Variants in NRG3 observed in about 807,000 individuals in gnomAD.
NRG3 encodes pro-neuregulin-3, membrane-bound isoform.
In NRG3, 31 loss-of-function variants were observed where a neutral mutation model predicts 66.9. The observed-to-expected ratio is 0.46, with a 90% CI of 0.35 to 0.63. NRG3 has a LOEUF of 0.63. NRG3 is among the 20% of genes least tolerant of loss of function. NRG3 has a pLI of 0.00. For synonymous variants in NRG3, 393 were observed against 359.4 expected, an observed-to-expected ratio of 1.09 and a Z score of -1.06; for missense variants, 910 against 878.9, an observed-to-expected ratio of 1.04 and a Z score of -0.45.
chr10:82,009,046 G>A (rs368011825), intron 1 of NRG3, among the ~76,000 whole-genome samples: 72 of 152,096 alleles, frequency 4.7e-4, no homozygotes, highest in African/African-American at 1.7e-3. Context: ...CTACAGTTTC[G>A]TTAAGATGTA....
intron 2 of NRG3, among the ~76,000 whole-genome samples, chr10:82,607,252 A>G (rs1223738786): frequency 6.6e-6 from 1 of 152,160 alleles, no homozygotes; most frequent in East Asian, 1.9e-4. Context: ...TTTGCCTTAT[A>G]TATTTTGACA....
intron 3 of NRG3, among the ~76,000 whole-genome samples, chr10:82,855,398 CTGTG>C (rs2063755117): frequency 6.6e-6 from 1 of 151,866 alleles, no homozygotes; most frequent in South Asian, 2.1e-4. Context: ...GTAAACTCGT[CTGTG>C]TGTCTTTTTT....
intron 1 of NRG3, among the ~76,000 whole-genome samples, chr10:82,018,351 T>C (rs1052560696): frequency 5.3e-5 from 8 of 152,174 alleles, no homozygotes; most frequent in African/African-American, 1.9e-4. Context: ...TGTAGTATAG[T>C]TTGAAGTCAG....
chr10:82,182,075 AT>A (rs200080280), intron 1 of NRG3, among the ~76,000 whole-genome samples: 45 of 146,944 alleles, frequency 3.1e-4, no homozygotes, highest in African/African-American at 1.1e-3. Context: ...ATCCTGCTCT[AT>A]TTTTTTTTCT....
intron 2 of NRG3, among the ~76,000 whole-genome samples, chr10:82,592,293 G>T (rs2047025973): frequency 6.6e-6 from 1 of 152,086 alleles, no homozygotes; most frequent in Non-Finnish European, 1.5e-5. Context: ...TGATTTTTAA[G>T]GTCTTCCTGA....
chr10:82,282,698 A>G (rs1174146682), intron 1 of NRG3, among the ~76,000 whole-genome samples: 5 of 151,606 alleles, frequency 3.3e-5, no homozygotes, highest in South Asian at 4.1e-4. Flanking sequence ...AAAGGTATGT[A>G]TGCATCCTCA....
chr10:82,261,033 T>C (rs2077999237), intron 1 of NRG3, among the ~76,000 whole-genome samples: 1 of 152,138 alleles, frequency 6.6e-6, no homozygotes, highest in African/African-American at 2.4e-5. Context: ...GTGAGTTCTC[T>C]CTCTTGCAGT....
chr10:82,109,101 G>C (rs1286952286), intron 1 of NRG3, among the ~76,000 whole-genome samples: 1 of 152,128 alleles, frequency 6.6e-6, no homozygotes, highest in African/African-American at 2.4e-5. Flanking sequence ...CACATTTCTT[G>C]AATAAAAGAA....
chr10:82,605,072 C>G (rs904260561), intron 2 of NRG3, among the ~76,000 whole-genome samples: 3 of 151,944 alleles, frequency 2.0e-5, no homozygotes, highest in Admixed American at 1.3e-4. Flanking sequence ...AGGACCAGTA[C>G]ATTGTGGAGT....
At chr10:81,916,883 A>G (rs1845763105) in intron 1 of NRG3, among the ~76,000 whole-genome samples, 1 of 152,196 alleles carries the variant, frequency 6.6e-6, no homozygotes, top group Admixed American at 6.5e-5. Context: ...TTTACAAAAA[A>G]TGTCATGAAA....
chr10:82,935,770 C>T (rs565790857), intron 4 of NRG3, among the ~76,000 whole-genome samples: 13 of 151,948 alleles, frequency 8.6e-5, no homozygotes, highest in South Asian at 2.1e-4. Flanking sequence ...ACTACAGGTG[C>T]GTGCCACCAC....
At chr10:82,391,869 A>G (rs2086388295) in intron 2 of NRG3, among the ~76,000 whole-genome samples, 1 of 151,980 alleles carries the variant, frequency 6.6e-6, no homozygotes, top group South Asian at 2.1e-4. Context: ...CAGCCATACA[A>G]TCTTCAGATT....
chr10:82,291,201 T>C (rs2079724595), intron 1 of NRG3, among the ~76,000 whole-genome samples: 2 of 151,828 alleles, frequency 1.3e-5, no homozygotes, highest in Non-Finnish European at 2.9e-5. Flanking sequence ...TTTTATATAC[T>C]GAAAATGAAC....
chr10:82,479,949 C>T (rs151036858), intron 2 of NRG3, among the ~76,000 whole-genome samples: 95 of 152,316 alleles, frequency 6.2e-4, no homozygotes, highest in African/African-American at 2.2e-3. Flanking sequence ...GCCTGGGCTA[C>T]AGAGCGAGAC....
intron 1 of NRG3, among the ~76,000 whole-genome samples, chr10:82,127,885 A>G (rs1223142121): frequency 6.6e-6 from 1 of 152,012 alleles, no homozygotes; most frequent in African/African-American, 2.4e-5. Context: ...TCCATAGGAA[A>G]GAAAAAGAAG....
At chr10:82,664,015 A>G (rs1463766919) in intron 2 of NRG3, among the ~76,000 whole-genome samples, 1 of 151,962 alleles carries the variant, frequency 6.6e-6, no homozygotes, top group Non-Finnish European at 1.5e-5. Context: ...TGGTATGTCT[A>G]CTCTTTGGGG....
At chr10:82,528,843 A>G (rs752412309) in intron 2 of NRG3, among the ~76,000 whole-genome samples, 1 of 152,094 alleles carries the variant, frequency 6.6e-6, no homozygotes, top group Non-Finnish European at 1.5e-5. Flanking sequence ...ATCATCATGT[A>G]TATTTGACTA....
intron 1 of NRG3, among the ~76,000 whole-genome samples, chr10:82,347,337 T>C (rs2083095883): frequency 6.6e-6 from 1 of 152,000 alleles, no homozygotes; most frequent in Non-Finnish European, 1.5e-5. Flanking sequence ...CAGTAGTCAT[T>C]CAGGAGCAGG....
At chr10:82,878,071 G>T (rs892543402) in intron 4 of NRG3, among the ~76,000 whole-genome samples, 1 of 152,098 alleles carries the variant, frequency 6.6e-6, no homozygotes, top group Non-Finnish European at 1.5e-5. Flanking sequence ...AGAATAGTTC[G>T]GGCCATTTTT....
Sources: gnomAD v4.1 joint callset for allele counts (sites outside exome capture counted in the v4.1 genomes callset) on GRCh38, gnomAD v4.1.1 for gene constraint, MANE v1.5 for transcripts, NCBI Gene and HGNC (gene_info 2026-07-23, HGNC 2026-07-21) for gene names.